The following SPAG16 variants were observed in gnomAD, a reference collection of about 807,000 sequenced individuals.
SPAG16 encodes the protein sperm associated antigen 16.
In SPAG16, 86 loss-of-function variants were observed where a neutral mutation model predicts 80.4. The ratio of observed to expected loss-of-function variants is 1.07; its 90% CI spans 0.90 to 1.28. The LOEUF is 1.28. SPAG16 is among the 50% of genes most tolerant of loss of function. The pLI is 0.00. For missense variants in SPAG16, 870 were observed against 765.3 expected, an observed-to-expected ratio of 1.14 and a Z score of -1.61; for synonymous variants, 294 against 265.9, an observed-to-expected ratio of 1.11 and a Z score of -1.03.
At chr2:213,787,252 A>C (rs560061329) in intron 10 of SPAG16, among the ~76,000 whole-genome samples, 2 of 152,266 alleles carry the variant, frequency 1.3e-5, no homozygotes, top group South Asian at 4.1e-4. Flanking sequence ...AAAAAATACA[A>C]GACTTCATAC....
chr2:214,380,473 A>G (rs1459806771), intron 15 of SPAG16, among the ~76,000 whole-genome samples: 1 of 152,220 alleles, frequency 6.6e-6, no homozygotes, highest in Non-Finnish European at 1.5e-5. Flanking sequence ...GAGAGTTTTA[A>G]TATGCAGAAA....
intron 15 of SPAG16, among the ~76,000 whole-genome samples, chr2:214,397,782 A>ATTTC (rs1157011933): frequency 6.6e-6 from 1 of 152,188 alleles, no homozygotes; most frequent in African/African-American, 2.4e-5. Flanking sequence ...GTGGCTTATT[A>ATTTC]TTTCTTTGTT....
intron 13 of SPAG16, among the ~76,000 whole-genome samples, chr2:214,099,170 T>C (rs1470674262): frequency 6.6e-6 from 1 of 152,094 alleles, no homozygotes; most frequent in Non-Finnish European, 1.5e-5. Flanking sequence ...GTTCTGGTGC[T>C]TGTGAGCATG....
At chr2:213,428,906 A>G (rs1396720904) in intron 9 of SPAG16, among the ~76,000 whole-genome samples, 1 of 152,042 alleles carries the variant, frequency 6.6e-6, no homozygotes, top group Non-Finnish European at 1.5e-5. Flanking sequence ...CCTGGCCAAC[A>G]TAGTGAAGCC....
At chr2:214,075,567 A>C (rs1202787621) in intron 13 of SPAG16, among the ~76,000 whole-genome samples, 1 of 152,152 alleles carries the variant, frequency 6.6e-6, no homozygotes, top group East Asian at 1.9e-4. Context: ...TAAGTATGTT[A>C]TATACTCCAA....
intron 13 of SPAG16, among the ~76,000 whole-genome samples, chr2:214,041,185 GT>G (rs1206310984): frequency 1.3e-5 from 2 of 150,798 alleles, no homozygotes; most frequent in Admixed American, 1.3e-4. Flanking sequence ...TCTTTTTAGT[GT>G]TTGAATTTAT....
intron 15 of SPAG16, among the ~76,000 whole-genome samples, chr2:214,315,309 T>G (rs1334455769): frequency 6.6e-6 from 1 of 152,172 alleles, no homozygotes; most frequent in East Asian, 1.9e-4. Context: ...TCTAAATGTA[T>G]TTAACTGATT....
rs144567849 is a variant in SPAG16, at chr2:214,001,190, C to T, written c.1401-12761C>T. On this transcript the variant is annotated intron_variant, in intron 12 of 15. Transcript: ENST00000331683. ...TTATGAGGTTATACTTCTTTATCAACTTACAGTTAACAATGAAGTTATTCC... is the reference window on the plus strand; with the variant it reads ...TTATGAGGTTATACTTCTTTATCAATTTACAGTTAACAATGAAGTTATTCC... 7.2e-5 allele frequency among the ~76,000 whole-genome samples: 11 copies of T among 152,312 alleles called. No individual in the cohort carries two copies. In the East Asian group the frequency reaches 2.1e-3, roughly 29 times the overall value.
chr2:213,367,140 G>A (rs1222900681), intron 8 of SPAG16, among the ~76,000 whole-genome samples: 1 of 152,182 alleles, frequency 6.6e-6, no homozygotes, highest in African/African-American at 2.4e-5. Flanking sequence ...TGGTTGCATA[G>A]TATTCCATGG....
chr2:214,388,006 G>T (rs944437651), intron 15 of SPAG16, among the ~76,000 whole-genome samples: 13 of 151,842 alleles, frequency 8.6e-5, no homozygotes, highest in African/African-American at 2.7e-4. Flanking sequence ...ACCTACTATT[G>T]CTATATTTTT....
At position 213,323,206 on chromosome 2, in the gene SPAG16, C is replaced by T. The variant is rs539333180; in HGVS notation, c.536+5850C>T. 5.3e-5 allele frequency among the ~76,000 whole-genome samples: 8 copies of T among 152,176 alleles called. No homozygotes were observed. The East Asian group carries it at 1.2e-3, about 22-fold the overall frequency. ...CTGTAATCCCAGCACTGTGGGAGGC[C>T]GAGGCGGGCAGATCACAAGGTCAGG... is the stretch of plus-strand genomic sequence containing the variant. On this transcript the variant is annotated intron_variant, in intron 5 of 15. Transcript: ENST00000331683.
chr2:213,867,926 C>CAAAAAAA (rs35795865), intron 11 of SPAG16, among the ~76,000 whole-genome samples: 4 of 45,884 alleles, frequency 8.7e-5, no homozygotes, highest in African/African-American at 1.4e-4. Context: ...TCTGTCTCAA[C>CAAAAAAA]AAAAAAAAAA....
intron 11 of SPAG16, among the ~76,000 whole-genome samples, chr2:213,879,628 T>C (rs537048996): frequency 2.0e-5 from 3 of 152,132 alleles, no homozygotes; most frequent in Middle Eastern, 3.4e-3. Flanking sequence ...AACCATGACC[T>C]TCTCCCTCCC....
At chr2:213,643,683 C>A (rs753652112) in intron 10 of SPAG16, among the ~76,000 whole-genome samples, 2 of 147,954 alleles carry the variant, frequency 1.4e-5, no homozygotes, top group Non-Finnish European at 3.0e-5. Flanking sequence ...ATCCTGTAGG[C>A]GCCCTTCATT....
At chr2:213,816,765 A>G (rs2072564622) in intron 10 of SPAG16, among the ~76,000 whole-genome samples, 1 of 152,092 alleles carries the variant, frequency 6.6e-6, no homozygotes, top group South Asian at 2.1e-4. Context: ...TAACAATGCT[A>G]TGTTCATGGA....
At chr2:214,248,455 C>A (rs1559154300) in intron 15 of SPAG16, among the ~76,000 whole-genome samples, 1 of 151,740 alleles carries the variant, frequency 6.6e-6, no homozygotes, top group Admixed American at 6.6e-5. Context: ...GTAGCTGGGA[C>A]TGCAGGCGTG....
chr2:213,940,083 C>T (rs1007998406), intron 12 of SPAG16, among the ~76,000 whole-genome samples: 3 of 151,968 alleles, frequency 2.0e-5, no homozygotes, highest in Non-Finnish European at 4.4e-5. Context: ...CATAAATATG[C>T]ATTTGAAAAG....
At chr2:213,595,951 T>A (rs1252587208) in intron 10 of SPAG16, among the ~76,000 whole-genome samples, 1 of 152,086 alleles carries the variant, frequency 6.6e-6, no homozygotes, top group Non-Finnish European at 1.5e-5. Context: ...CTTTTGTGCT[T>A]CATTAATTAG....
Position 213,972,835 on chromosome 2 carries a change from G to T in SPAG16, c.1401-41116G>T, listed in dbSNP as rs531866231. 3.9e-5 allele frequency among the ~76,000 whole-genome samples: 6 copies of T among 151,968 alleles called. No individual in the cohort carries two copies. The South Asian group carries it at 8.3e-4, about 21-fold the overall frequency. On this transcript the variant is annotated intron_variant, in intron 12 of 15. Transcript: ENST00000331683. ...AACCATATACTTTTTCCCTTATCAG[G>T]TATATGATTTATAAATGTTTTCCTC...
Sources: gnomAD v4.1 joint callset for allele counts (sites outside exome capture counted in the v4.1 genomes callset) on GRCh38, gnomAD v4.1.1 for gene constraint, MANE v1.5 for transcripts, NCBI Gene and HGNC (gene_info 2026-07-23, HGNC 2026-07-21) for gene names.